ZNF320: variants seen among roughly 807,000 people sequenced by gnomAD.
The protein encoded by ZNF320 is zinc finger protein 320.
Under a neutral mutation model 6.8 loss-of-function variants are expected in ZNF320, and 2 were observed. That is an observed-to-expected ratio of 0.29 (90% CI 0.12 to 0.93). The LOEUF (loss-of-function observed/expected upper bound fraction) is 0.93. ZNF320 is among the 40% of genes least tolerant of loss of function. The pLI is 0.55. For synonymous variants in ZNF320, 208 were observed against 203.2 expected (o/e 1.02, Z -0.20); for missense variants, 472 against 611.0 (o/e 0.77, Z 2.40).
At chr19:52,883,445 T>A (rs1364961473) in intron 5 of ZNF320, among the ~76,000 whole-genome samples, 1 of 152,036 alleles carries the variant, frequency 6.6e-6, no homozygotes, top group East Asian at 1.9e-4. Flanking sequence ...AAATAATAAG[T>A]CAATTTATAC....
At position 52,881,154 on chromosome 19, in the gene ZNF320, AG is replaced by A. The variant is rs775340234; in HGVS notation, c.971del (p.Thr324MetfsTer157). On this transcript the variant is annotated frameshift_variant, in exon 6 of 6. Coordinates refer to ENST00000682928, the MANE Select transcript of ZNF320 (RefSeq NM_001351774.2). LOFTEE classifies it low-confidence loss of function (END_TRUNC). ...CTTCACATCTGTAAGGTTTCTCTCC[AG>A]TGTGAACTCTACGATGTCCTGCAAG... ...ATLAGHRRVH[T>X]GEKPYRCEEC... 1 of 1,614,128 alleles carries A rather than the reference AG, an allele frequency of 6.2e-7. No homozygotes were observed.
At chr19:52,862,683 C>T in exon 6 of ZNF320, 1 of 590,404 alleles carries the variant, frequency 1.7e-6, no homozygotes, top group Non-Finnish European at 2.9e-6. Flanking sequence ...GGTTTCTCTC[C>T]AGTGTGAATT....
At chr19:52,873,199 G>A (rs369987071), downstream of ZNF320, among the ~76,000 whole-genome samples, 40 of 152,178 alleles carry the variant, frequency 2.6e-4, no homozygotes, top group South Asian at 2.9e-3. Context: ...CTCAGCACAG[G>A]CCCTTGTCGG....
At chr19:52,900,859 T>TA (rs2064569046), upstream of ZNF320, among the ~76,000 whole-genome samples, 1 of 152,116 alleles carries the variant, frequency 6.6e-6, no homozygotes, top group African/African-American at 2.4e-5. Context: ...CCAAATGACA[T>TA]AAGACTAGTA....
chr19:52,887,474 G>A (rs971452481), intron 5 of ZNF320, among the ~76,000 whole-genome samples: 2 of 152,208 alleles, frequency 1.3e-5, no homozygotes, highest in African/African-American at 4.8e-5. Flanking sequence ...TCTGAATGCT[G>A]TTGGAGCACT....
Position 52,876,508 on chromosome 19 carries a change from A to T in ZNF320, c.*4088T>A, listed in dbSNP as rs984562210. On this transcript the variant is annotated 3_prime_UTR_variant, in exon 6 of 6. Transcript: ENST00000682928. ...AGAAGCAGTTTTTTATATTACTTTA[A>T]TTTTATTTTAGAGATGGAGTCTCGC... is the stretch of plus-strand genomic sequence containing the variant. 1 of 149,912 alleles carries T rather than the reference A, an allele frequency of 6.7e-6. No homozygotes were observed. Among genetic ancestry groups the T allele is most frequent in the African/African-American group, 2.4e-5 (1 of 40,940 alleles). 9.3% of individuals were successfully genotyped at this position (149,912 alleles called of 1,614,324 possible).
At chr19:52,873,047 T>C (rs973819119), downstream of ZNF320, among the ~76,000 whole-genome samples, 9 of 152,222 alleles carry the variant, frequency 5.9e-5, no homozygotes, top group African/African-American at 2.2e-4. Context: ...CCTCCAGCCA[T>C]AGGGCGGTTT....
At chr19:52,890,156 C>A in intron 4 of ZNF320, 85 bp downstream of exon 4, 1 of 1,568,994 alleles carries the variant, frequency 6.4e-7, no homozygotes, top group Non-Finnish European at 8.7e-7. Flanking sequence ...CAGGATGCTT[C>A]AGACTAAGAG....
At position 52,881,838 on chromosome 19, in the gene ZNF320, G is replaced by C. The variant is rs1380032087; in HGVS notation, c.288C>G (p.Asp96Glu). The C allele has an allele frequency of 1.2e-6, 2 of 1,613,788 alleles. No homozygotes were observed. The highest frequency in any genetic ancestry group is 1.1e-5 in the South Asian group (1 of 91,006). Residue 96 changes from aspartate to glutamate, a missense_variant, in exon 6 of 6, where the codon GAC becomes GAG. By Grantham distance (45) the Asp-to-Glu change is conservative. Transcript: ENST00000682928. ...CATCTTCTTGCCACTGAAACACAAA[G>C]TCATGAATGTCTTTCTCAATTTCCT... ...CSQEIEKDIH[D>E]FVFQWQEDET...
intron 2 of ZNF320, chr19:52,893,326 TA>T (rs1173389528): frequency 6.6e-6 from 1 of 152,064 alleles, no homozygotes; most frequent in Non-Finnish European, 1.5e-5. Context: ...TAATTATGTA[TA>T]TATATTGCAA....
chr19:52,860,804 C>T (rs73936432), downstream of ZNF320, among the ~76,000 whole-genome samples: 3 of 152,046 alleles, frequency 2.0e-5, no homozygotes, highest in South Asian at 2.1e-4. Flanking sequence ...ATGACTCATG[C>T]GTGAGCAGTA....
chr19:52,888,999 C>G (rs915888375), intron 4 of ZNF320, among the ~76,000 whole-genome samples: 1 of 151,986 alleles, frequency 6.6e-6, no homozygotes, highest in Non-Finnish European at 1.5e-5. Flanking sequence ...GCCTGGCCAA[C>G]ATGGTGAAAC....
At chr19:52,859,693 A>T (rs2063475222), downstream of ZNF320, among the ~76,000 whole-genome samples, 1 of 152,140 alleles carries the variant, frequency 6.6e-6, no homozygotes, top group Non-Finnish European at 1.5e-5. Context: ...CTGGTGATGG[A>T]TTGATACACT....
chr19:52,873,916 G>C, downstream of ZNF320: 2 of 368,890 alleles, frequency 5.4e-6, no homozygotes. Flanking sequence ...CAGACTCACA[G>C]GAGACTGACT....
chr19:52,873,984 C>A, downstream of ZNF320: 1 of 455,434 alleles, frequency 2.2e-6, no homozygotes, highest in South Asian at 1.7e-5. Context: ...TGAGAAATAT[C>A]ACTTCACCTG....
intron 5 of ZNF320, among the ~76,000 whole-genome samples, chr19:52,886,586 G>A (rs1479615948): frequency 6.6e-6 from 1 of 152,118 alleles, no homozygotes; most frequent in Non-Finnish European, 1.5e-5. Context: ...TATTCACACT[G>A]GAATCATGTT....
At position 52,864,873 on chromosome 19, in the gene ZNF320, C is replaced by A. The variant is rs151249540; in HGVS notation, c.224-714G>T. On this transcript the variant is annotated intron_variant, in intron 5 of 5. Transcript: ENST00000673631. ...CTAAAAGTACAAAAAATTAGCCAGG[C>A]GTGGTGGCAGGCACCTGTAGTCCCA... is the stretch of plus-strand genomic sequence containing the variant. 2.8e-3 allele frequency among the ~76,000 whole-genome samples: 421 copies of A among 151,780 alleles called. 2 individuals carry two copies. The highest frequency in any genetic ancestry group is 9.5e-3 in the African/African-American group (394 of 41,362).
Position 52,886,977 on chromosome 19 carries a change from AGAAG to A in ZNF320, c.142+1146_142+1149del, listed in dbSNP as rs57415767. 2.9e-3 allele frequency among the ~76,000 whole-genome samples: 363 copies of A among 123,240 alleles called. 3 individuals are homozygous for A. Among genetic ancestry groups the A allele is most frequent in the East Asian group, 0.011 (48 of 4,238 alleles). 80.9% of individuals were successfully genotyped at this position (123,240 alleles called of 152,430 possible). A position where few individuals can be genotyped will look rare whatever the true frequency, so the allele number is the denominator to read the frequency against. Reference sequence around the variant, plus strand: ...AGAAAGAAAGAAAGAAAAGAAAGAAAGAAGGAAGGAAGGAAGGAAGGAAGGAAGG... The same window carrying A: ...AGAAAGAAAGAAAGAAAAGAAAGAAAGAAGGAAGGAAGGAAGGAAGGAAGG... On this transcript the variant is annotated intron_variant, in intron 5 of 5. Transcript: ENST00000682928.
At chr19:52,883,202 C>T (rs946670182) in intron 5 of ZNF320, among the ~76,000 whole-genome samples, 2 of 151,864 alleles carry the variant, frequency 1.3e-5, no homozygotes, top group Non-Finnish European at 2.9e-5. Flanking sequence ...CCACTATGCC[C>T]AGCTAATTTT....
Sources: gnomAD v4.1 joint callset for allele counts (sites outside exome capture counted in the v4.1 genomes callset) on GRCh38, gnomAD v4.1.1 for gene constraint, MANE v1.5 for transcripts, NCBI Gene and HGNC (gene_info 2026-07-23, HGNC 2026-07-21) for gene names.